SERPINA4: variants seen among roughly 807,000 people sequenced by gnomAD.
The protein encoded by SERPINA4 is kallistatin.
In SERPINA4, 24 loss-of-function variants were observed where a neutral mutation model predicts 25.4. That is an observed-to-expected ratio of 0.95 (90% CI 0.69 to 1.33). The LOEUF (loss-of-function observed/expected upper bound fraction) is 1.33. Ranked by LOEUF, SERPINA4 falls within the 40% of genes most tolerant of loss-of-function variation. SERPINA4 has a pLI of 0.00. For synonymous variants in SERPINA4, 242 were observed against 223.6 expected (o/e 1.08, Z -0.73); for missense variants, 553 against 535.8 (o/e 1.03, Z -0.32).
At position 94,569,403 on chromosome 14, in the gene SERPINA4, C is replaced by T; in HGVS notation, c.1092C>T (p.His364=). The stretch of plus-strand genomic sequence containing the variant: ...TGTGATTTTCCTCCCAGAGTTTCCA[C>T]AAGGCCACCTTGGACGTGGATGAGG... ...QQKLEASKSF[H]KATLDVDEAG... is the part of the protein sequence containing the mutation. Residue 364 remains histidine, a synonymous_variant, in exon 5 of 5, where the codon CAC becomes CAT. Coordinates refer to ENST00000557004, the MANE Select transcript of SERPINA4 (RefSeq NM_006215.4). The T allele has an allele frequency of 6.2e-7, 1 of 1,613,828 alleles. No homozygotes were observed. The highest frequency in any genetic ancestry group is 8.5e-7 in the Non-Finnish European group (1 of 1,180,024).
intron 4 of SERPINA4, 125 bp downstream of exon 4, chr14:94,568,413 A>G (rs1902288168): frequency 4.0e-6 from 4 of 991,654 alleles, no homozygotes; most frequent in African/African-American, 1.6e-5. Flanking sequence ...TCAGTCATCT[A>G]CAGGCATCAG....
chr14:94,564,122 T>C lies in SERPINA4; in HGVS notation c.640T>C (p.Tyr214His). The change falls in exon 2 of 5, where the codon TAC becomes CAC. Residue 214 changes from tyrosine (Y) to histidine (H), a missense_variant. Physicochemically the swap from Tyr to His is moderately conservative, Grantham distance 83. Coordinates refer to ENST00000557004, the MANE Select transcript of SERPINA4 (RefSeq NM_006215.4). ...CTTGATGGTGCTGGTGAATTACATT[T>C]ACTTCAAAGGTGAGAGTCAGATCAT... Reference protein sequence around the residue: ...DVLMVLVNYIYFKALWEKPFI... With the variant: ...DVLMVLVNYIHFKALWEKPFI... The C allele has an allele frequency of 6.2e-7, 1 of 1,600,296 alleles. No individual in the cohort carries two copies. Among genetic ancestry groups the C allele is most frequent in the Non-Finnish European group, 8.5e-7 (1 of 1,179,906 alleles).
chr14:94,563,830 T>A lies in SERPINA4; in HGVS notation c.348T>A (p.Asp116Glu). Residue 116 changes from aspartate to glutamate, a missense_variant, in exon 2 of 5, where the codon GAT becomes GAA. Coordinates refer to ENST00000557004, the MANE Select transcript of SERPINA4 (RefSeq NM_006215.4). ...GFNLTELSES[D>E]VHRGFQHLLH... is the part of the protein sequence containing the mutation. ...ACCTCACCGAGCTGTCTGAGTCCGA[T>A]GTCCATAGGGGCTTCCAGCACCTCC... The A allele has an allele frequency of 6.2e-7, 1 of 1,614,190 alleles. No individual in the cohort carries two copies. The highest frequency in any genetic ancestry group is 2.2e-5 in the East Asian group (1 of 44,880).
chr14:94,566,835 C>T, intron 2 of SERPINA4, 135 bp from the exon 3 acceptor site: 1 of 994,626 alleles, frequency 1.0e-6, no homozygotes, highest in Non-Finnish European at 1.5e-6. Context: ...CAAAATGGGA[C>T]ATCTTGATGG....
Position 94,568,222 on chromosome 14 carries a change from GGA to G in SERPINA4, c.1018_1019del (p.Asp340SerfsTer7). 3 of 1,614,180 alleles carry G rather than the reference GGA, an allele frequency of 1.9e-6. No homozygotes were observed. Among genetic ancestry groups the G allele is most frequent in the Non-Finnish European group, 2.5e-6 (3 of 1,180,030 alleles). On this transcript the variant is annotated frameshift_variant, in exon 4 of 5. Coordinates refer to ENST00000557004, the MANE Select transcript of SERPINA4 (RefSeq NM_006215.4). LOFTEE classifies it high-confidence loss of function. ...DQILPRLGFT[D>X]LFSKWADLSG... Reference sequence around the variant, plus strand: ...AGATTTTGCCCAGGCTGGGCTTCACGGATCTGTTCTCCAAGTGGGCTGACTTA... The same window carrying G: ...AGATTTTGCCCAGGCTGGGCTTCACGTCTGTTCTCCAAGTGGGCTGACTTA...
At position 94,564,139 on chromosome 14, in the gene SERPINA4, T is replaced by A; in HGVS notation, c.649+8T>A. 1 of 1,599,292 alleles carries A rather than the reference T, an allele frequency of 6.3e-7. No homozygotes were observed. On this transcript the variant is annotated splice_region_variant and intron_variant, in intron 2 of 4. Transcript: ENST00000557004. ...ATTACATTTACTTCAAAGGTGAGAG[T>A]CAGATCATTGGTATATGCTAAATCC...
chr14:94,566,867 G>A, intron 2 of SERPINA4, 103 bp from the exon 3 acceptor site: 2 of 1,371,514 alleles, frequency 1.5e-6, no homozygotes, highest in Non-Finnish European at 1.0e-6. Context: ...AGGATCTGGA[G>A]CGACTGTTTC....
At chr14:94,567,796 A>C (rs1157882813) in intron 3 of SERPINA4, among the ~76,000 whole-genome samples, 1 of 152,250 alleles carries the variant, frequency 6.6e-6, no homozygotes, top group East Asian at 1.9e-4. Context: ...GTTCAAAAAG[A>C]ATAAAACCCA....
In SERPINA4 at chr14:94,563,490, T is replaced by A; in HGVS notation, c.8T>A (p.Leu3His). The part of the protein sequence containing the change: MH[L>H]IDYLLLLLVG... ...GGCCTGAGAGTGCAGAGGATGCATCTTATCGACTACCTGCTCCTCCTGCTG... is the reference window on the plus strand; with the variant it reads ...GGCCTGAGAGTGCAGAGGATGCATCATATCGACTACCTGCTCCTCCTGCTG... The change falls in exon 2 of 5, where the codon CTT becomes CAT. Residue 3 changes from leucine to histidine, a missense_variant. Physicochemically the swap from Leu to His is moderately conservative, Grantham distance 99. Transcript: ENST00000557004. 2 of 1,612,430 alleles carry A rather than the reference T, an allele frequency of 1.2e-6. No homozygotes were observed. Among genetic ancestry groups the A allele is most frequent in the South Asian group, 1.1e-5 (1 of 90,986 alleles).
At chr14:94,566,127 A>G (rs1902198657) in intron 2 of SERPINA4, among the ~76,000 whole-genome samples, 1 of 152,130 alleles carries the variant, frequency 6.6e-6, no homozygotes, top group Non-Finnish European at 1.5e-5. Flanking sequence ...CTTCCTTGCA[A>G]ACACTCTGAA....
Position 94,568,300 on chromosome 14 carries a change from A to G in SERPINA4, c.1083+12A>G. Reference sequence around the variant, plus strand: ...TGGAGGCATCCAAAGTAAGTCGTCAACAGTCAGCAATCCCTAGAGAACTCG... The same window carrying G: ...TGGAGGCATCCAAAGTAAGTCGTCAGCAGTCAGCAATCCCTAGAGAACTCG... On this transcript the variant is annotated intron_variant, in intron 4 of 4. Coordinates refer to ENST00000557004, the MANE Select transcript of SERPINA4 (RefSeq NM_006215.4). 6.2e-7 allele frequency: 1 copy of G among 1,614,150 alleles called. No homozygotes were observed. The highest frequency in any genetic ancestry group is 8.5e-7 in the Non-Finnish European group (1 of 1,180,012).
In SERPINA4 at chr14:94,569,436, C is replaced by T. The variant is rs752656584; in HGVS notation, c.1125C>T (p.Thr375=). The T allele has an allele frequency of 4.3e-6, 7 of 1,614,124 alleles. No individual in the cohort carries two copies. Among genetic ancestry groups the T allele is most frequent in the South Asian group, 3.3e-5 (3 of 91,080 alleles). Residue 375 remains threonine (T), a synonymous_variant, in exon 5 of 5, where the codon ACC becomes ACT. Coordinates refer to ENST00000557004, the MANE Select transcript of SERPINA4 (RefSeq NM_006215.4). ...KATLDVDEAG[T]EAAAATSFAI... Reference sequence around the variant, plus strand: ...CCTTGGACGTGGATGAGGCTGGCACCGAGGCTGCAGCAGCCACCAGCTTCG... The same window carrying T: ...CCTTGGACGTGGATGAGGCTGGCACTGAGGCTGCAGCAGCCACCAGCTTCG...
chr14:94,568,231 C>G lies in SERPINA4; in HGVS notation c.1026C>G (p.Phe342Leu), dbSNP rs757246165. 1.2e-6 allele frequency: 2 copies of G among 1,614,238 alleles called. No individual in the cohort carries two copies. Among genetic ancestry groups the G allele is most frequent in the South Asian group, 2.2e-5 (2 of 91,086 alleles). Residue 342 changes from phenylalanine to leucine, a missense_variant, in exon 4 of 5, where the codon TTC (phenylalanine) becomes TTG (leucine). Phe to Leu is a conservative substitution (Grantham distance 22, BLOSUM62 0). Coordinates refer to ENST00000557004, the MANE Select transcript of SERPINA4 (RefSeq NM_006215.4). Reference sequence around the variant, plus strand: ...CCAGGCTGGGCTTCACGGATCTGTTCTCCAAGTGGGCTGACTTATCCGGCA... The same window carrying G: ...CCAGGCTGGGCTTCACGGATCTGTTGTCCAAGTGGGCTGACTTATCCGGCA... ...ILPRLGFTDLFSKWADLSGIT... is the reference protein window; with the variant it reads ...ILPRLGFTDLLSKWADLSGIT...
At chr14:94,564,349 T>A (rs1902134954) in intron 2 of SERPINA4, among the ~76,000 whole-genome samples, 1 of 152,208 alleles carries the variant, frequency 6.6e-6, no homozygotes, top group Admixed American at 6.5e-5. Flanking sequence ...CATATTTTCT[T>A]CATAAAAATA....
chr14:94,569,788 T>C lies in SERPINA4; in HGVS notation c.*193T>C. 1 of 618,348 alleles carries C rather than the reference T, an allele frequency of 1.6e-6. No homozygotes were observed. The highest frequency in any genetic ancestry group is 2.8e-6 in the Non-Finnish European group (1 of 353,780). 38.3% of individuals were successfully genotyped at this position (618,348 alleles called of 1,614,324 possible). A position where few individuals can be genotyped will look rare whatever the true frequency, so the allele number is the denominator to read the frequency against. ...AGGGCCTGGACATTCCACACCCTGG[T>C]GCTGTGCAGCCTCTGGCAGAGCATC... On this transcript the variant is annotated 3_prime_UTR_variant, in exon 5 of 5. Coordinates refer to ENST00000557004, the MANE Select transcript of SERPINA4 (RefSeq NM_006215.4).
chr14:94,566,964 C>T lies in SERPINA4; in HGVS notation c.650-6C>T. 6.2e-7 allele frequency: 1 copy of T among 1,611,004 alleles called. No individual in the cohort carries two copies. Among genetic ancestry groups the T allele is most frequent in the Non-Finnish European group, 8.5e-7 (1 of 1,177,974 alleles). ...GTCCTGTACCTTCTTTTCATCTTCC[C>T]TTCAGCCCTGTGGGAGAAACCATTC... On this transcript the variant is annotated splice_region_variant and splice_polypyrimidine_tract_variant and intron_variant, in intron 2 of 4. Coordinates refer to ENST00000557004, the MANE Select transcript of SERPINA4 (RefSeq NM_006215.4).
rs535534539 is a variant in SERPINA4, at chr14:94,569,735, G to C, written c.*140G>C. 2.3e-6 allele frequency: 2 copies of C among 867,480 alleles called. No individual in the cohort carries two copies. Among genetic ancestry groups the C allele is most frequent in the Non-Finnish European group, 3.6e-6 (2 of 563,006 alleles). The allele number at this position is 867,480 out of a possible 1,614,324, so 53.7% of individuals were successfully genotyped here. On this transcript the variant is annotated 3_prime_UTR_variant, in exon 5 of 5. Coordinates refer to ENST00000557004, the MANE Select transcript of SERPINA4 (RefSeq NM_006215.4). ...CCAGGACAGCAGGTGCTGGCCGGTG[G>C]GGAGCGGGGAGGGGCACTGAGATGG...
rs760045770 is a variant in SERPINA4, at chr14:94,563,535, C to A, written c.53C>A (p.Ser18Tyr). ...CTGCTGGTTGGACTACTGGCCCTTT[C>A]TCATGGCCAGCTGCACGTTGAGCAT... ...LLLLVGLLAL[S>Y]HGQLHVEHDG... Residue 18 changes from serine to tyrosine, a missense_variant, in exon 2 of 5, where the codon TCT (serine) becomes TAT (tyrosine). Physicochemically the swap from Ser to Tyr is moderately radical, Grantham distance 144. Coordinates refer to ENST00000557004, the MANE Select transcript of SERPINA4 (RefSeq NM_006215.4). 109 of 1,614,110 alleles carry A rather than the reference C, an allele frequency of 6.8e-5. No individual in the cohort carries two copies. Among genetic ancestry groups the A allele is most frequent in the Non-Finnish European group, 9.2e-5 (109 of 1,180,024 alleles).
At chr14:94,564,246 T>C (rs1268069096) in intron 2 of SERPINA4, 115 bp downstream of exon 2, 2 of 1,100,100 alleles carry the variant, frequency 1.8e-6, no homozygotes, top group South Asian at 2.9e-5. Context: ...TTGTGTCTGA[T>C]AGGGTTGAGC....
Sources: gnomAD v4.1 joint callset for allele counts (sites outside exome capture counted in the v4.1 genomes callset) on GRCh38, gnomAD v4.1.1 for gene constraint, MANE v1.5 for transcripts, NCBI Gene and HGNC (gene_info 2026-07-23, HGNC 2026-07-21) for gene names.